ARHGAP42: variants seen among roughly 807,000 people sequenced by gnomAD.
ARHGAP42 encodes Rho GTPase activating protein 42.
ARHGAP42 carries 63 observed loss-of-function variants against 125.0 expected under a neutral mutation model. The ratio of observed to expected loss-of-function variants is 0.50; its 90% CI spans 0.41 to 0.62. The LOEUF is 0.62. Among genes scored for constraint, ARHGAP42 ranks in the 20% least tolerant of loss-of-function variants. The pLI is 0.00. For missense variants in ARHGAP42, 766 were observed against 1,024.2 expected (o/e 0.75, Z 3.44); for synonymous variants, 339 against 351.0 (o/e 0.97, Z 0.38).
chr11:100,711,364 CTGTT>C (rs1375418356), intron 1 of ARHGAP42, among the ~76,000 whole-genome samples: 2 of 152,046 alleles, frequency 1.3e-5, no homozygotes, highest in African/African-American at 2.4e-5. Flanking sequence ...AGAATCTTCT[CTGTT>C]TGTTTTTTGA....
At chr11:100,782,533 A>C (rs1743251970) in intron 2 of ARHGAP42, among the ~76,000 whole-genome samples, 1 of 152,224 alleles carries the variant, frequency 6.6e-6, no homozygotes, top group African/African-American at 2.4e-5. Context: ...TGAGCAAGGA[A>C]GAAGACATTT....
chr11:100,705,222 A>T (rs1379740217), intron 1 of ARHGAP42, among the ~76,000 whole-genome samples: 1 of 152,228 alleles, frequency 6.6e-6, no homozygotes, highest in African/African-American at 2.4e-5. Flanking sequence ...CTCTGTAGCT[A>T]ACAGCTTAGT....
At chr11:100,832,473 A>G (rs1262356460) in intron 3 of ARHGAP42, among the ~76,000 whole-genome samples, 4 of 152,088 alleles carry the variant, frequency 2.6e-5, no homozygotes, top group Non-Finnish European at 5.9e-5. Flanking sequence ...AGGATTTTCT[A>G]CTCCTTGAGA....
intron 4 of ARHGAP42, among the ~76,000 whole-genome samples, chr11:100,910,874 G>A (rs1305950126): frequency 1.3e-5 from 2 of 152,034 alleles, no homozygotes; most frequent in African/African-American, 4.8e-5. Context: ...GCCTGGTGGT[G>A]TGAAGGGGCC....
Position 100,992,418 on chromosome 11 carries a change from G to A in ARHGAP42, c.*3617G>A, listed in dbSNP as rs750829605. On this transcript the variant is annotated 3_prime_UTR_variant, in exon 24 of 24. Coordinates refer to ENST00000298815, the MANE Select transcript of ARHGAP42 (RefSeq NM_152432.4). Reference sequence around the variant, plus strand: ...GAAGTTACTTTCCCCTTGACTAAAGGTTTCCCCTTAGGGTACACATTGCTA... The same window carrying A: ...GAAGTTACTTTCCCCTTGACTAAAGATTTCCCCTTAGGGTACACATTGCTA... 1.5e-5 allele frequency: 24 copies of A among 1,613,908 alleles called. No individual in the cohort carries two copies. The East Asian group carries it at 1.6e-4, about 10-fold the overall frequency.
At chr11:100,952,171 T>G (rs1363100408) in intron 12 of ARHGAP42, among the ~76,000 whole-genome samples, 1 of 152,212 alleles carries the variant, frequency 6.6e-6, no homozygotes, top group Non-Finnish European at 1.5e-5. Context: ...TTATTTGTAA[T>G]TGCACTAACT....
intron 22 of ARHGAP42, among the ~76,000 whole-genome samples, chr11:100,981,653 G>C (rs562394165): frequency 1.3e-5 from 2 of 152,188 alleles, no homozygotes; most frequent in African/African-American, 4.8e-5. Flanking sequence ...TGATGCACCA[G>C]AACAGATCAT....
chr11:100,970,279 G>C (rs539103599), intron 17 of ARHGAP42, among the ~76,000 whole-genome samples: 1 of 152,212 alleles, frequency 6.6e-6, no homozygotes, highest in South Asian at 2.1e-4. Flanking sequence ...TTGGGTCACC[G>C]TGCCCAGACT....
chr11:100,948,288 G>T (rs1377586230), intron 10 of ARHGAP42, among the ~76,000 whole-genome samples, 169 bp from the exon 11 acceptor site: 1 of 152,042 alleles, frequency 6.6e-6, no homozygotes, highest in Admixed American at 6.6e-5. Flanking sequence ...TTTTCTGAAA[G>T]TATTATACTT....
At chr11:100,975,840 A>G (rs80021234) in intron 19 of ARHGAP42, among the ~76,000 whole-genome samples, 1,691 of 152,276 alleles carry the variant, frequency 0.011, 14 homozygotes, top group South Asian at 0.032. Flanking sequence ...ACTTCCTAAA[A>G]TAGCATTGAA....
At chr11:100,750,935 A>C (rs1176133191) in intron 1 of ARHGAP42, among the ~76,000 whole-genome samples, 1 of 135,454 alleles carries the variant, frequency 7.4e-6, no homozygotes, top group East Asian at 2.0e-4. Context: ...CTTGATGTAT[A>C]CTTTTTTTTT....
chr11:100,912,725 T>C (rs943080735), intron 4 of ARHGAP42, among the ~76,000 whole-genome samples: 1 of 152,238 alleles, frequency 6.6e-6, no homozygotes, highest in East Asian at 1.9e-4. Flanking sequence ...AGATAAAAGG[T>C]AAAGTTACTC....
At chr11:100,753,868 A>G (rs7947761) in intron 1 of ARHGAP42, among the ~76,000 whole-genome samples, 38,560 of 152,064 alleles carry the variant, frequency 0.25, 5,117 homozygotes, top group Non-Finnish European at 0.29. Flanking sequence ...CAGTTTTTCC[A>G]CCTGGCTCTC....
intron 4 of ARHGAP42, among the ~76,000 whole-genome samples, chr11:100,872,937 G>T (rs1348155074): frequency 2.0e-5 from 3 of 152,182 alleles, no homozygotes; most frequent in African/African-American, 7.2e-5. Context: ...AAACTCCAGA[G>T]AAATAAATAA....
chr11:100,828,730 C>T (rs1382445084), intron 3 of ARHGAP42, among the ~76,000 whole-genome samples: 3 of 151,376 alleles, frequency 2.0e-5, no homozygotes. Flanking sequence ...CTCTCTCACC[C>T]AGGCTGGAGT....
chr11:100,985,939 G>A (rs1414530645), intron 22 of ARHGAP42: 5 of 411,926 alleles, frequency 1.2e-5, no homozygotes, highest in African/African-American at 1.0e-4. Context: ...GGATGCAAAT[G>A]CTGCTGACGC....
chr11:100,799,856 GA>G (rs1188719393), intron 3 of ARHGAP42, among the ~76,000 whole-genome samples: 2 of 152,190 alleles, frequency 1.3e-5, no homozygotes, highest in African/African-American at 4.8e-5. Flanking sequence ...TGGAAGAAAA[GA>G]AAGAGGGTTG....
chr11:100,910,313 T>C (rs114456036), intron 4 of ARHGAP42, among the ~76,000 whole-genome samples: 2,124 of 152,268 alleles, frequency 0.014, 52 homozygotes, highest in African/African-American at 0.048. Flanking sequence ...ATAGGGTCAT[T>C]TATCTTCTAG....
chr11:100,871,893 G>A (rs1865705396), intron 4 of ARHGAP42, among the ~76,000 whole-genome samples: 2 of 152,178 alleles, frequency 1.3e-5, no homozygotes, highest in African/African-American at 2.4e-5. Context: ...ACAGGCATGT[G>A]CCATCACACC....
Sources: gnomAD v4.1 joint callset for allele counts (sites outside exome capture counted in the v4.1 genomes callset) on GRCh38, gnomAD v4.1.1 for gene constraint, MANE v1.5 for transcripts, NCBI Gene and HGNC (gene_info 2026-07-23, HGNC 2026-07-21) for gene names.